The following STK32C variants were observed in gnomAD, a reference collection of about 807,000 sequenced individuals.
The protein encoded by STK32C is serine/threonine kinase 32C.
A neutral mutation model predicts 56.5 loss-of-function variants in STK32C; 31 were observed. The ratio of observed to expected loss-of-function variants is 0.55; its 90% CI spans 0.41 to 0.74. The LOEUF is 0.74. STK32C is among the 30% of genes least tolerant of loss of function. The pLI, the probability that STK32C is intolerant of heterozygous loss-of-function variation, is 0.00. For missense variants in STK32C, 544 were observed against 676.9 expected (o/e 0.80, Z 2.18); for synonymous variants, 309 against 289.4 (o/e 1.07, Z -0.69).
chr10:132,212,971 A>G (rs1263574785), intron 10 of STK32C, among the ~76,000 whole-genome samples: 2 of 152,180 alleles, frequency 1.3e-5, no homozygotes, highest in African/African-American at 2.4e-5. Context: ...AGCTCTGGGG[A>G]GCGGCCGGGG....
chr10:132,248,073 C>T (rs1415738093), intron 1 of STK32C, among the ~76,000 whole-genome samples: 2 of 59,578 alleles, frequency 3.4e-5, no homozygotes, highest in African/African-American at 2.1e-4. Context: ...CTCAAGAAAA[C>T]CTATGCACGC....
At chr10:132,259,325 A>T (rs1228237369) in intron 1 of STK32C, among the ~76,000 whole-genome samples, 1 of 152,128 alleles carries the variant, frequency 6.6e-6, no homozygotes, top group Admixed American at 6.5e-5. Context: ...GTTTGGCTCT[A>T]TGTCCCCACC....
At chr10:132,281,270 G>A (rs1324352807) in intron 1 of STK32C, among the ~76,000 whole-genome samples, 4 of 151,450 alleles carry the variant, frequency 2.6e-5, no homozygotes, top group African/African-American at 9.7e-5. Context: ...GACTATGTCC[G>A]TGTTTGAACC....
At chr10:132,284,945 C>T (rs2065352610) in intron 1 of STK32C, among the ~76,000 whole-genome samples, 3 of 138,346 alleles carry the variant, frequency 2.2e-5, no homozygotes, top group Admixed American at 7.0e-5. Context: ...CCCACGTCTG[C>T]CCAAAGACCA....
upstream of STK32C, among the ~76,000 whole-genome samples, chr10:132,312,805 C>T (rs941558326): frequency 3.3e-5 from 5 of 152,132 alleles, no homozygotes; most frequent in Non-Finnish European, 5.9e-5. Flanking sequence ...TTTGGGAGGC[C>T]GAGGTGGGCG....
upstream of STK32C, chr10:132,307,962 C>T (rs2066132723): frequency 2.0e-6 from 2 of 1,015,888 alleles, no homozygotes; most frequent in South Asian, 3.6e-5. This position sits in a 1 kb window ranked among gnomAD's most constrained non-coding sequence, Gnocchi z 4.4. Flanking sequence ...GGCGGTGGAA[C>T]CCGCCCCGTA....
At chr10:132,246,014 A>G in intron 1 of STK32C, 59 bp from the exon 2 acceptor site, 1 of 1,533,604 alleles carries the variant, frequency 6.5e-7, no homozygotes, top group Non-Finnish European at 9.0e-7. Context: ...ACCCCAGAGC[A>G]GCTCCCCCAC....
chr10:132,222,538 G>A lies in STK32C; in HGVS notation c.1251+103C>T, dbSNP rs146809987. ...TCAGGAAACGGTCTGCTGGACTTCCGAGACGTGTGCGCTGCCAGGGGTCCC... is the reference window on the plus strand; with the variant it reads ...TCAGGAAACGGTCTGCTGGACTTCCAAGACGTGTGCGCTGCCAGGGGTCCC... On this transcript the variant is annotated intron_variant, in intron 10 of 11. Coordinates refer to ENST00000298630, the MANE Select transcript of STK32C (RefSeq NM_173575.4). 5.5e-4 allele frequency: 791 copies of A among 1,430,568 alleles called. 1 individual carries two copies. In the African/African-American group the frequency reaches 0.01, roughly 18 times the overall value. The allele number at this position is 1,430,568 out of a possible 1,614,324, so 88.6% of individuals were successfully genotyped here.
At chr10:132,303,536 C>A (rs1423722414) in intron 1 of STK32C, among the ~76,000 whole-genome samples, 2 of 152,200 alleles carry the variant, frequency 1.3e-5, no homozygotes, top group Non-Finnish European at 2.9e-5. Context: ...AAGGCTCAGC[C>A]TGTGTACCAG....
chr10:132,217,682 T>C (rs1309612256), intron 10 of STK32C, among the ~76,000 whole-genome samples: 6 of 152,108 alleles, frequency 3.9e-5, no homozygotes, highest in Admixed American at 3.9e-4. Flanking sequence ...GTCTTTCCTG[T>C]GCTGTTGTCA....
At chr10:132,332,023 A>G, upstream of STK32C, 1 of 267,880 alleles carries the variant, frequency 3.7e-6, no homozygotes, top group Non-Finnish European at 6.7e-6. Flanking sequence ...AGGGGCACCC[A>G]CACCCCGCCC....
Position 132,242,359 on chromosome 10 carries a change from G to A in STK32C, c.318+3541C>T, listed in dbSNP as rs1424340857. ...AGGGCACGGGTGGTGAAGGGGCTCC[G>A]ACGGCACCAGTAAACTCTGCGTTGT... On this transcript the variant is annotated intron_variant, in intron 2 of 11. Coordinates refer to ENST00000298630, the MANE Select transcript of STK32C (RefSeq NM_173575.4). Among the ~76,000 whole-genome samples the A allele has an allele frequency of 5.9e-5, 9 of 152,126 alleles. No homozygotes were observed. The South Asian group carries it at 1.2e-3, about 21-fold the overall frequency.
At chr10:132,230,418 T>C (rs1376347817) in intron 2 of STK32C, among the ~76,000 whole-genome samples, 1 of 152,210 alleles carries the variant, frequency 6.6e-6, no homozygotes, top group Non-Finnish European at 1.5e-5. Context: ...AGCCTCACTC[T>C]GCACAGGCGC....
At chr10:132,284,274 AGGGGCAGGTGAGGTTGGGG>A (rs1564776712) in intron 1 of STK32C, among the ~76,000 whole-genome samples, 9 of 133,366 alleles carry the variant, frequency 6.7e-5, no homozygotes, top group Admixed American at 2.3e-4. Context: ...GGTGGAGAAC[AGGGGCAGGTGAGGTTGGGG>A]GGGGCAGGTG....
intron 1 of STK32C, among the ~76,000 whole-genome samples, chr10:132,271,883 AG>A (rs1345480826): frequency 6.6e-6 from 1 of 152,228 alleles, no homozygotes; most frequent in Non-Finnish European, 1.5e-5. Flanking sequence ...CTTCCCAGGC[AG>A]CACTGGGGCT....
At chr10:132,221,575 C>A (rs1285370220) in intron 10 of STK32C, among the ~76,000 whole-genome samples, 4 of 143,608 alleles carry the variant, frequency 2.8e-5, no homozygotes, top group African/African-American at 1.1e-4. Flanking sequence ...CCCGCACACA[C>A]AACTGACACC....
At chr10:132,233,268 A>G (rs1476251683) in intron 2 of STK32C, among the ~76,000 whole-genome samples, 1 of 152,134 alleles carries the variant, frequency 6.6e-6, no homozygotes, top group African/African-American at 2.4e-5. Flanking sequence ...GGGGTCCCCC[A>G]GGCAGAACCG....
intron 1 of STK32C, among the ~76,000 whole-genome samples, chr10:132,276,887 C>T (rs1423678227): frequency 6.6e-6 from 1 of 152,220 alleles, no homozygotes; most frequent in Non-Finnish European, 1.5e-5. Context: ...GCTATGGCTC[C>T]CCAGGGCTCG....
chr10:132,298,463 C>A (rs1341042819), intron 1 of STK32C, among the ~76,000 whole-genome samples: 2 of 152,244 alleles, frequency 1.3e-5, no homozygotes, highest in Non-Finnish European at 2.9e-5. Context: ...ACGGCAGCCC[C>A]TTCCGATGCG....
Sources: gnomAD v4.1 joint callset for allele counts (sites outside exome capture counted in the v4.1 genomes callset) on GRCh38, gnomAD v4.1.1 for gene constraint, Gnocchi (gnomAD v3.1) non-coding constraint, MANE v1.5 for transcripts, NCBI Gene and HGNC (gene_info 2026-07-23, HGNC 2026-07-21) for gene names.